Variants in MAN1C1 observed in about 807,000 individuals in gnomAD.
MAN1C1 encodes the protein mannosidase alpha class 1C member 1, also known as mannosyl-oligosaccharide 1,2-alpha-mannosidase IC.
In MAN1C1, 49 loss-of-function variants were observed where a neutral mutation model predicts 71.5. The observed-to-expected ratio is 0.69, with a 90% confidence interval of 0.54 to 0.87. The LOEUF (loss-of-function observed/expected upper bound fraction) is 0.87, where lower values mean the gene tolerates loss of function less well. Among genes scored for constraint, MAN1C1 ranks in the 40% least tolerant of loss-of-function variants. The pLI is 0.00. For missense variants in MAN1C1, 743 were observed against 835.0 expected (o/e 0.89, Z 1.36); for synonymous variants, 352 against 343.7 (o/e 1.02, Z -0.27).
At chr1:25,648,649 T>C (rs573329382) in intron 1 of MAN1C1, among the ~76,000 whole-genome samples, 2 of 152,320 alleles carry the variant, frequency 1.3e-5, no homozygotes, top group African/African-American at 4.8e-5. Flanking sequence ...TTGGCAGAAA[T>C]CTTTGAGTGG....
chr1:25,781,279 G>A (rs2124418442), intron 10 of MAN1C1, 167 bp downstream of exon 10: 1 of 716,646 alleles, frequency 1.4e-6, no homozygotes, highest in South Asian at 1.9e-5. Flanking sequence ...AGAGCCAAGA[G>A]TCCCCAGCTG....
intron 1 of MAN1C1, among the ~76,000 whole-genome samples, chr1:25,667,649 C>T (rs780797370): frequency 8.5e-5 from 13 of 152,084 alleles, no homozygotes; most frequent in South Asian, 2.1e-4. Context: ...TCAAATTGCT[C>T]GATCTTTTCT....
At chr1:25,665,678 A>G (rs1452025946) in intron 1 of MAN1C1, among the ~76,000 whole-genome samples, 1 of 152,040 alleles carries the variant, frequency 6.6e-6, no homozygotes, top group African/African-American at 2.4e-5. Context: ...GGCATTAGAT[A>G]TTGCAGGTGG....
At chr1:25,676,788 A>G (rs945591163) in intron 1 of MAN1C1, among the ~76,000 whole-genome samples, 1 of 152,182 alleles carries the variant, frequency 6.6e-6, no homozygotes, top group Non-Finnish European at 1.5e-5. Context: ...TCACTGCCAG[A>G]GCCAGCCTTG....
chr1:25,765,005 A>G (rs1572204352), intron 7 of MAN1C1, among the ~76,000 whole-genome samples: 1 of 152,148 alleles, frequency 6.6e-6, no homozygotes, highest in East Asian at 1.9e-4. Flanking sequence ...CCAAGACCGC[A>G]CCACTGCACT....
chr1:25,675,592 G>GGGC (rs1553185446), intron 1 of MAN1C1, among the ~76,000 whole-genome samples: 1 of 143,860 alleles, frequency 7.0e-6, no homozygotes, highest in African/African-American at 2.5e-5. Flanking sequence ...TGCGGGGGGG[G>GGGC]GGGGAGGTGG....
At chr1:25,755,987 T>C (rs983014401) in intron 5 of MAN1C1, among the ~76,000 whole-genome samples, 5 of 152,148 alleles carry the variant, frequency 3.3e-5, no homozygotes, top group African/African-American at 9.7e-5. Flanking sequence ...GGATTTGGAA[T>C]TGGATTCAGT....
intron 1 of MAN1C1, among the ~76,000 whole-genome samples, chr1:25,656,393 G>A (rs2045768584): frequency 6.6e-6 from 1 of 151,986 alleles, no homozygotes; most frequent in South Asian, 2.1e-4. Context: ...TCACTGCGCC[G>A]GGCCTATAAT....
intron 2 of MAN1C1, among the ~76,000 whole-genome samples, chr1:25,745,478 T>G (rs373004426): frequency 1.2e-4 from 19 of 152,302 alleles, no homozygotes; most frequent in African/African-American, 3.6e-4. Context: ...TACACTTTGA[T>G]GTACAATAAG....
At chr1:25,716,170 G>A (rs2993236) in intron 2 of MAN1C1, among the ~76,000 whole-genome samples, 3,297 of 152,268 alleles carry the variant, frequency 0.022, 123 homozygotes, top group African/African-American at 0.074. Context: ...AAGGGAGGCT[G>A]GGAAATGTAG....
chr1:25,756,807 T>G (rs2124361816), intron 5 of MAN1C1, among the ~76,000 whole-genome samples: 1 of 152,256 alleles, frequency 6.6e-6, no homozygotes, highest in East Asian at 1.9e-4. Flanking sequence ...GAATGATGCT[T>G]TACGTTATGG....
At chr1:25,660,342 G>A (rs1458325698) in intron 1 of MAN1C1, among the ~76,000 whole-genome samples, 4 of 151,672 alleles carry the variant, frequency 2.6e-5, no homozygotes, top group Non-Finnish European at 4.4e-5. Context: ...CAGAGGTTGC[G>A]GTGAGCTGAG....
intron 2 of MAN1C1, among the ~76,000 whole-genome samples, chr1:25,713,630 G>A (rs2124254836): frequency 6.6e-6 from 1 of 152,262 alleles, no homozygotes; most frequent in Admixed American, 6.5e-5. Context: ...GTTTATATAG[G>A]ACTGTTGGGC....
At chr1:25,668,197 T>A (rs186599448) in intron 1 of MAN1C1, among the ~76,000 whole-genome samples, 31 of 151,684 alleles carry the variant, frequency 2.0e-4, no homozygotes, top group Middle Eastern at 3.4e-3. Context: ...TTTCAGATAT[T>A]TATTAAGTTC....
chr1:25,746,182 G>A lies in MAN1C1; in HGVS notation c.638-486G>A, dbSNP rs994645183. On this transcript the variant is annotated intron_variant, in intron 2 of 11. Coordinates refer to ENST00000374332, the MANE Select transcript of MAN1C1 (RefSeq NM_020379.4). This position sits in a 1 kb window ranked among gnomAD's most constrained non-coding sequence, Gnocchi z 4.0. Reference sequence around the variant, plus strand: ...TATCTGGGCGTGGTGGTGGACACCTGTGGTCCCAGCTACTTGGGAGGCTGA... The same window carrying A: ...TATCTGGGCGTGGTGGTGGACACCTATGGTCCCAGCTACTTGGGAGGCTGA... 6.6e-6 allele frequency among the ~76,000 whole-genome samples: 1 copy of A among 152,136 alleles called. No homozygotes were observed. The highest frequency in any genetic ancestry group is 1.5e-5 in the Non-Finnish European group (1 of 68,026).
chr1:25,771,323 T>A (rs1464118199), intron 7 of MAN1C1, among the ~76,000 whole-genome samples: 1 of 152,246 alleles, frequency 6.6e-6, no homozygotes, highest in Non-Finnish European at 1.5e-5. Flanking sequence ...TGCCACCAGA[T>A]TATCTTTGTA....
chr1:25,777,300 C>T (rs1271986986), intron 8 of MAN1C1, among the ~76,000 whole-genome samples: 1 of 152,188 alleles, frequency 6.6e-6, no homozygotes, highest in Non-Finnish European at 1.5e-5. Flanking sequence ...AGTCTGGCCT[C>T]GAGACTGTGT....
chr1:25,755,514 A>G (rs1029797141), intron 5 of MAN1C1, among the ~76,000 whole-genome samples: 1 of 152,148 alleles, frequency 6.6e-6, no homozygotes, highest in East Asian at 1.9e-4. Flanking sequence ...ACACAAATAG[A>G]CATGTCTTCA....
Position 25,764,191 on chromosome 1 carries a change from T to G in MAN1C1, c.1141+224T>G, listed in dbSNP as rs149799441. ...AGTGCCGGATGTGATGGCTGCTGTT[T>G]ACTGAAGGCCTGCCCTGTGCGTTCC... On this transcript the variant is annotated intron_variant, in intron 7 of 11. Coordinates refer to ENST00000374332, the MANE Select transcript of MAN1C1 (RefSeq NM_020379.4). This position sits in a 1 kb window ranked among gnomAD's most constrained non-coding sequence, Gnocchi z 4.4. Among the ~76,000 whole-genome samples the G allele has an allele frequency of 1.8e-4, 27 of 152,294 alleles. No individual in the cohort carries two copies. The highest frequency in any genetic ancestry group is 2.6e-4 in the Non-Finnish European group (18 of 68,020).
Sources: allele counts gnomAD v4.1 joint callset (sites outside exome capture counted in the v4.1 genomes callset), GRCh38; gene constraint gnomAD v4.1.1; non-coding constraint Gnocchi (gnomAD v3.1); transcripts MANE v1.5; gene names NCBI Gene and HGNC (gene_info 2026-07-23, HGNC 2026-07-21).